The following ALAD variants were observed in gnomAD, a reference collection of about 807,000 sequenced individuals.
The protein encoded by ALAD is delta-aminolevulinic acid dehydratase.
In ALAD, 20 loss-of-function variants were observed where a neutral mutation model predicts 44.4. That is an observed-to-expected ratio of 0.45 (90% CI 0.32 to 0.65). ALAD has a LOEUF of 0.65. Among genes scored for constraint, ALAD ranks in the 30% least tolerant of loss-of-function variants. The pLI is 0.05. For synonymous variants in ALAD, 156 were observed against 167.9 expected, an observed-to-expected ratio of 0.93 and a Z score of 0.55; for missense variants, 323 against 445.7, an observed-to-expected ratio of 0.72 and a Z score of 2.48.
chr9:113,400,977 AG>A (rs903943538), intron 1 of ALAD, among the ~76,000 whole-genome samples: 2 of 152,128 alleles, frequency 1.3e-5, no homozygotes, highest in Non-Finnish European at 2.9e-5. Context: ...GGTATCCGAG[AG>A]GGTGAACCCC....
rs556307080 is a variant in ALAD, at chr9:113,388,986, G to A, written c.922C>T (p.Arg308Cys). Residue 308 changes from arginine (R) to cysteine (C), a missense_variant, in exon 11 of 12, where the codon CGC becomes TGC. Coordinates refer to ENST00000409155, the MANE Select transcript of ALAD (RefSeq NM_000031.6). ...ACCCTTGCCTGCCTACCTGCTCTGC[G>A]GAAGGCAGTCATGGCCTCCAGTACG... ...AAVLEAMTAF[R>C]RAGADIIITY... 21 of 1,613,846 alleles carry A rather than the reference G, an allele frequency of 1.3e-5. No individual in the cohort carries two copies. The highest frequency in any genetic ancestry group is 5.3e-5 in the African/African-American group (4 of 75,054).
At chr9:113,389,223 C>T (rs377249770) in intron 10 of ALAD, 117 bp from the exon 11 acceptor site, 31 of 1,489,680 alleles carry the variant, frequency 2.1e-5, no homozygotes, top group East Asian at 1.9e-4. Flanking sequence ...TGGGTTACTG[C>T]GGCTGGCAGC....
chr9:113,390,671 G>A lies in ALAD; in HGVS notation c.403C>T (p.Leu135=). Residue 135 remains leucine, a synonymous_variant, in exon 6 of 12, where the codon CTG becomes TTG. Transcript: ENST00000409155. ...PYTSHGHCGL[L]SENGAFRAEE... is the part of the protein sequence containing the mutation. ...GCCCGGAATGCTCCGTTTTCACTCA[G>A]GAGCCCTTCAGGACAGATGACTGGG... The A allele has an allele frequency of 6.2e-7, 1 of 1,613,914 alleles. No individual in the cohort carries two copies. Among genetic ancestry groups the A allele is most frequent in the Non-Finnish European group, 8.5e-7 (1 of 1,179,908 alleles).
chr9:113,394,942 C>G (rs1417831665), intron 1 of ALAD, among the ~76,000 whole-genome samples: 1 of 152,018 alleles, frequency 6.6e-6, no homozygotes, highest in Non-Finnish European at 1.5e-5. Context: ...GTAATCCCAG[C>G]TACTGGGGAG....
intron 2 of ALAD, 58 bp downstream of exon 2, chr9:113,393,389 T>TGCCCCAA: frequency 3.9e-6 from 5 of 1,271,400 alleles, no homozygotes; most frequent in Non-Finnish European, 4.6e-6. Flanking sequence ...CAACACTCCC[T>TGCCCCAA]CCCCAACCCC....
chr9:113,389,375 C>T, intron 10 of ALAD, 63 bp downstream of exon 10: 11 of 1,585,390 alleles, frequency 6.9e-6, no homozygotes, highest in Non-Finnish European at 8.6e-6. Context: ...TCTGAGATTC[C>T]AGAGTCTGTG....
chr9:113,392,357 C>G, intron 2 of ALAD, 188 bp from the exon 3 acceptor site: 1 of 1,482,860 alleles, frequency 6.7e-7, no homozygotes, highest in Non-Finnish European at 9.1e-7. Context: ...ATAGGAACAA[C>G]AAGAATAACA....
rs1471393414 is a variant in ALAD, at chr9:113,389,595, TC to T, written c.714+3del. On this transcript the variant is annotated splice_donor_region_variant and intron_variant, in intron 9 of 11. Coordinates refer to ENST00000409155, the MANE Select transcript of ALAD (RefSeq NM_000031.6). ...AGGGTGGGGCTCAAGTCCTAGTCACTCACCACAGCTCGGAGAGCCAGGCCTC... is the reference window on the plus strand; with the variant it reads ...AGGGTGGGGCTCAAGTCCTAGTCACTACCACAGCTCGGAGAGCCAGGCCTC... 1 of 1,614,102 alleles carries T rather than the reference TC, an allele frequency of 6.2e-7. No homozygotes were observed. The highest frequency in any genetic ancestry group is 8.5e-7 in the Non-Finnish European group (1 of 1,180,010).
At chr9:113,400,909 C>T (rs1425070061) in intron 1 of ALAD, among the ~76,000 whole-genome samples, 1 of 151,698 alleles carries the variant, frequency 6.6e-6, no homozygotes, top group African/African-American at 2.4e-5. Flanking sequence ...CACCTCCCTA[C>T]CCCCCCACCA....
chr9:113,391,863 C>T (rs1203466113), intron 3 of ALAD, among the ~76,000 whole-genome samples: 1 of 152,194 alleles, frequency 6.6e-6, no homozygotes, highest in East Asian at 1.9e-4. Flanking sequence ...TCTTTTTGAA[C>T]TCCCATCTGC....
At chr9:113,397,558 C>T (rs1298315892) in intron 1 of ALAD, among the ~76,000 whole-genome samples, 1 of 152,034 alleles carries the variant, frequency 6.6e-6, no homozygotes, top group East Asian at 1.9e-4. Context: ...GATATGAGGT[C>T]CCAGCTGCCC....
intron 3 of ALAD, among the ~76,000 whole-genome samples, 157 bp from the exon 4 acceptor site, chr9:113,391,780 A>G (rs943963038): frequency 1.3e-5 from 2 of 152,194 alleles, no homozygotes; most frequent in African/African-American, 4.8e-5. Flanking sequence ...TGCATCCACT[A>G]AATAGGAGGG....
chr9:113,391,998 T>C, intron 3 of ALAD, 121 bp downstream of exon 3: 1 of 1,024,152 alleles, frequency 9.8e-7, no homozygotes, highest in Non-Finnish European at 1.5e-6. Context: ...TTTCCTCTAC[T>C]GAGCTAATGT....
At chr9:113,394,495 A>G (rs1052770265) in intron 1 of ALAD, among the ~76,000 whole-genome samples, 2 of 151,758 alleles carry the variant, frequency 1.3e-5, no homozygotes, top group Non-Finnish European at 2.9e-5. Context: ...CTATGATTGC[A>G]CCACTGCACT....
chr9:113,395,082 A>G (rs771695598), intron 1 of ALAD, among the ~76,000 whole-genome samples: 4 of 152,042 alleles, frequency 2.6e-5, no homozygotes, highest in Non-Finnish European at 4.4e-5. Context: ...AAGAAAAGAG[A>G]AAAGTACTTG....
In ALAD at chr9:113,390,973, T is replaced by C. The variant is rs754590350; in HGVS notation, c.262-40A>G. 1.7e-5 allele frequency: 27 copies of C among 1,612,596 alleles called. No individual in the cohort carries two copies. In the Admixed American group the frequency reaches 4.2e-4, roughly 25 times the overall value. On this transcript the variant is annotated intron_variant, in intron 4 of 11. Coordinates refer to ENST00000409155, the MANE Select transcript of ALAD (RefSeq NM_000031.6). ...GGGACAAAGCAGTGTGTCTATTACA[T>C]GTAGCTTTGGAAGGCAGGATGACAG...
At chr9:113,398,671 T>C (rs1341884902) in intron 1 of ALAD, among the ~76,000 whole-genome samples, 4 of 152,168 alleles carry the variant, frequency 2.6e-5, no homozygotes, top group East Asian at 3.9e-4. Context: ...ATGTGGAAAA[T>C]GGGGTATAAA....
At position 113,396,917 on chromosome 9, in the gene ALAD, G is replaced by A. The variant is rs559736754; in HGVS notation, c.-75-3283C>T. ...GACACTTCCTTTTGGAGGTGCCTGG[G>A]AGACTATCCCATAGCCAAAGGATGG... On this transcript the variant is annotated intron_variant, in intron 1 of 11. Coordinates refer to ENST00000409155, the MANE Select transcript of ALAD (RefSeq NM_000031.6). 2.0e-5 allele frequency: 3 copies of A among 152,468 alleles called. No homozygotes were observed. In the South Asian group the frequency reaches 6.2e-4, roughly 32 times the overall value. 9.4% of individuals were successfully genotyped at this position (152,468 alleles called of 1,614,324 possible).
At position 113,388,073 on chromosome 9, in the gene ALAD, C is replaced by T. The variant is rs1827453061; in HGVS notation, c.*227G>A. ...TGGCAAAGGTGGGCCTCACGGCTGA[C>T]CCAGGGGAGGGGCGGGGAAGCTTGG... On this transcript the variant is annotated 3_prime_UTR_variant, in exon 12 of 12. Transcript: ENST00000409155. 1 of 597,290 alleles carries T rather than the reference C, an allele frequency of 1.7e-6. No homozygotes were observed. The highest frequency in any genetic ancestry group is 1.8e-5 in the South Asian group (1 of 55,326). 37.0% of individuals were successfully genotyped at this position (597,290 alleles called of 1,614,324 possible). A position where few individuals can be genotyped will look rare whatever the true frequency, so the allele number is the denominator to read the frequency against.
Sources: gnomAD v4.1 joint callset for allele counts (sites outside exome capture counted in the v4.1 genomes callset) on GRCh38, gnomAD v4.1.1 for gene constraint, MANE v1.5 for transcripts, NCBI Gene and HGNC (gene_info 2026-07-23, HGNC 2026-07-21) for gene names.